SIRT4: variants seen among roughly 807,000 people sequenced by gnomAD.
The protein encoded by SIRT4 is NAD-dependent protein lipoamidase sirtuin-4, mitochondrial.
In SIRT4, 23 loss-of-function variants were observed where a neutral mutation model predicts 26.1. That is an observed-to-expected ratio of 0.88 (90% CI 0.63 to 1.25). The LOEUF (loss-of-function observed/expected upper bound fraction) is 1.25. Among genes scored for constraint, SIRT4 ranks in the 50% most tolerant of loss-of-function variants. The probability of loss-of-function intolerance (pLI) is 0.00; values close to 1 mark genes in which losing one functional copy is unlikely to be tolerated. For synonymous variants in SIRT4, 155 were observed against 158.4 expected (o/e 0.98, Z 0.16); for missense variants, 361 against 405.4 (o/e 0.89, Z 0.94).
chr12:120,303,795 AG>A lies in SIRT4; in HGVS notation c.235del (p.Val79TrpfsTer33). On this transcript the variant is annotated frameshift_variant, in exon 2 of 4. Transcript: ENST00000202967. LOFTEE classifies it high-confidence loss of function. Reference sequence around the variant, plus strand: ...GGATACCAGACTACAGGTCAGAAAAAGTGGGGCTTTATGCCCGCACTGACCG... The same window carrying A: ...GGATACCAGACTACAGGTCAGAAAAATGGGGCTTTATGCCCGCACTGACCG... ...SGIPDYRSEK[V>X]GLYARTDRRP... The A allele has an allele frequency of 6.2e-7, 1 of 1,614,114 alleles. No homozygotes were observed. The highest frequency in any genetic ancestry group is 8.5e-7 in the Non-Finnish European group (1 of 1,179,996).
Position 120,303,639 on chromosome 12 carries a change from A to AGCCTCCATTGGGTTATTTGT in SIRT4, c.82_101dup (p.Ala35ProfsTer32). The stretch of plus-strand genomic sequence containing the variant: ...CAAACCCCAGCCAGCCGTGCTCGAA[A>AGCCTCCATTGGGTTATTTGT]GCCTCCATTGGGTTATTTGTGCCAG... On this transcript the variant is annotated frameshift_variant, in exon 2 of 4. Coordinates refer to ENST00000202967, the MANE Select transcript of SIRT4 (RefSeq NM_012240.3). LOFTEE classifies it high-confidence loss of function. 1 of 1,614,126 alleles carries AGCCTCCATTGGGTTATTTGT rather than the reference A, an allele frequency of 6.2e-7. No individual in the cohort carries two copies. Among genetic ancestry groups the AGCCTCCATTGGGTTATTTGT allele is most frequent in the Non-Finnish European group, 8.5e-7 (1 of 1,180,022 alleles).
At chr12:120,309,999 G>T (rs1416851715) in intron 2 of SIRT4, among the ~76,000 whole-genome samples, 1 of 152,020 alleles carries the variant, frequency 6.6e-6, no homozygotes, top group Non-Finnish European at 1.5e-5. Flanking sequence ...TTACAGGTGT[G>T]AGTCACCGTG....
chr12:120,291,913 C>T, the SIRT4 span: 102,312 of 151,490 alleles, frequency 0.68, 34,959 homozygotes, highest in East Asian at 0.89. Context: ...TGGAAAGGTT[C>T]TGTTCGCGCC....
chr12:120,297,915 G>A (rs1872391083), upstream of SIRT4, among the ~76,000 whole-genome samples: 1 of 151,932 alleles, frequency 6.6e-6, no homozygotes, highest in Non-Finnish European at 1.5e-5. Context: ...TTTTGACAAC[G>A]AAAATTTCAG....
Position 120,312,541 on chromosome 12 carries a change from G to A in SIRT4, c.583G>A (p.Glu195Lys), listed in dbSNP as rs1274385816. 6.2e-7 allele frequency: 1 copy of A among 1,614,152 alleles called. No individual in the cohort carries two copies. Among genetic ancestry groups the A allele is most frequent in the South Asian group, 1.1e-5 (1 of 91,076 alleles). The part of the protein sequence containing the change: ...FQVLNPTWSA[E>K]AHGLAPDGDV... Reference sequence around the variant, plus strand: ...AGTCCTGAACCCCACCTGGAGTGCTGAGGCCCATGGCCTGGCTCCTGATGG... The same window carrying A: ...AGTCCTGAACCCCACCTGGAGTGCTAAGGCCCATGGCCTGGCTCCTGATGG... The change falls in exon 3 of 4, where the codon GAG becomes AAG. Residue 195 changes from glutamate to lysine, a missense_variant. By Grantham distance (56) the Glu-to-Lys change is moderately conservative. Coordinates refer to ENST00000202967, the MANE Select transcript of SIRT4 (RefSeq NM_012240.3).
At chr12:120,300,102 T>C (rs773905024), upstream of SIRT4, among the ~76,000 whole-genome samples, 1 of 151,996 alleles carries the variant, frequency 6.6e-6, no homozygotes, top group Admixed American at 6.6e-5. Flanking sequence ...CTGAGCAACA[T>C]AGTGAGACCG....
At chr12:120,298,071 C>T (rs528467782), upstream of SIRT4, among the ~76,000 whole-genome samples, 124 of 151,730 alleles carry the variant, frequency 8.2e-4, no homozygotes, top group African/African-American at 2.9e-3. Context: ...TGGCTCACAC[C>T]TGTAATCCCA....
At chr12:120,292,886 A>G in the SIRT4 span, among the ~76,000 whole-genome samples, 40 of 152,212 alleles carry the variant, frequency 2.6e-4, no homozygotes, top group African/African-American at 9.6e-4. Flanking sequence ...TTACCTTAAA[A>G]GTAGAGATCA....
chr12:120,292,226 C>CAG, the SIRT4 span, among the ~76,000 whole-genome samples: 64 of 152,116 alleles, frequency 4.2e-4, no homozygotes, highest in African/African-American at 1.5e-3. Context: ...CGCAGACGGA[C>CAG]GACTAGCTGT....
the SIRT4 span, chr12:120,293,018 G>A: frequency 4.0e-5 from 6 of 150,618 alleles, no homozygotes; most frequent in African/African-American, 1.0e-4. Context: ...TTGCGAACAA[G>A]TACTCTTCAA....
the SIRT4 span, chr12:120,293,153 CG>C: frequency 6.6e-6 from 1 of 152,270 alleles, no homozygotes; most frequent in South Asian, 2.1e-4. Flanking sequence ...GTCGTCACGG[CG>C]GGGTATTGGG....
In SIRT4 at chr12:120,313,174, A is replaced by C; in HGVS notation, c.*138A>C. 1.1e-6 allele frequency: 1 copy of C among 920,056 alleles called. No individual in the cohort carries two copies. The highest frequency in any genetic ancestry group is 2.4e-5 in the East Asian group (1 of 41,068). The allele number at this position is 920,056 out of a possible 1,614,324, so 57.0% of individuals were successfully genotyped here. A position where few individuals can be genotyped will look rare whatever the true frequency, so the allele number is the denominator to read the frequency against. ...GCACTGACAAAGTATAGAAGGTTCTAGGTATCTTAATGTGTGGATATTCTT... is the reference window on the plus strand; with the variant it reads ...GCACTGACAAAGTATAGAAGGTTCTCGGTATCTTAATGTGTGGATATTCTT... On this transcript the variant is annotated 3_prime_UTR_variant, in exon 4 of 4. Coordinates refer to ENST00000202967, the MANE Select transcript of SIRT4 (RefSeq NM_012240.3).
intron 2 of SIRT4, among the ~76,000 whole-genome samples, chr12:120,311,097 G>A (rs1872950492): frequency 6.9e-6 from 1 of 144,082 alleles, no homozygotes; most frequent in Non-Finnish European, 1.5e-5. Flanking sequence ...AGTGGCTCAT[G>A]CCTGTAATCC....
chr12:120,313,060 TG>T lies in SIRT4; in HGVS notation c.*26del. The T allele has an allele frequency of 2.5e-6, 4 of 1,613,414 alleles. No homozygotes were observed. The highest frequency in any genetic ancestry group is 3.4e-6 in the Non-Finnish European group (4 of 1,179,656). ...GACCACAGCCTGATATTCCAGAACC[TG>T]GAACAGGGACTTTCACTTGAATCTT... On this transcript the variant is annotated 3_prime_UTR_variant, in exon 4 of 4. Coordinates refer to ENST00000202967, the MANE Select transcript of SIRT4 (RefSeq NM_012240.3).
At chr12:120,304,822 TATATATA>T (rs1872679785) in intron 2 of SIRT4, among the ~76,000 whole-genome samples, 1 of 35,642 alleles carries the variant, frequency 2.8e-5, no homozygotes, top group African/African-American at 1.8e-4. Flanking sequence ...TATATATATA[TATATATA>T]TATATATTTT....
upstream of SIRT4, among the ~76,000 whole-genome samples, chr12:120,301,809 C>T (rs1431462092): frequency 6.6e-6 from 1 of 152,068 alleles, no homozygotes; most frequent in African/African-American, 2.4e-5. Flanking sequence ...CGCAGTGGCT[C>T]ACGCCTATAA....
chr12:120,295,060 A>T, the SIRT4 span, among the ~76,000 whole-genome samples: 1 of 151,038 alleles, frequency 6.6e-6, no homozygotes, highest in Non-Finnish European at 1.5e-5. Context: ...CAAGCTCCTG[A>T]CCTCAAGTGA....
chr12:120,296,086 CAAAAAAAAAAAAAAAA>C, the SIRT4 span, among the ~76,000 whole-genome samples: 1 of 40,192 alleles, frequency 2.5e-5, no homozygotes, highest in African/African-American at 1.1e-4. Context: ...GACTCCGTCT[CAAAAAAAAAAAAAAAA>C]AAAAAAAAAA....
At chr12:120,295,217 CTT>C in the SIRT4 span, among the ~76,000 whole-genome samples, 7 of 134,812 alleles carry the variant, frequency 5.2e-5, no homozygotes, top group Admixed American at 7.8e-5. Context: ...TTCTGTTTTC[CTT>C]TTTTTTTTTT....
Sources: allele counts gnomAD v4.1 joint callset (sites outside exome capture counted in the v4.1 genomes callset), GRCh38; gene constraint gnomAD v4.1.1; transcripts MANE v1.5; gene names NCBI Gene and HGNC (gene_info 2026-07-23, HGNC 2026-07-21).